The following FAM227A variants were observed in gnomAD, a reference collection of about 807,000 sequenced individuals.
FAM227A encodes the protein family with sequence similarity 227 member A.
A neutral mutation model predicts 74.7 loss-of-function variants in FAM227A; 80 were observed. The ratio of observed to expected loss-of-function variants is 1.07; its 90% CI spans 0.89 to 1.29. The LOEUF (loss-of-function observed/expected upper bound fraction) is 1.29, where lower values mean the gene tolerates loss of function less well. FAM227A is among the 50% of genes most tolerant of loss of function. The pLI is 0.00. For synonymous variants in FAM227A, 237 were observed against 241.8 expected, an observed-to-expected ratio of 0.98 and a Z score of 0.19; for missense variants, 654 against 683.4, an observed-to-expected ratio of 0.96 and a Z score of 0.48.
chr22:38,624,493 C>G (rs1337665312), intron 9 of FAM227A, among the ~76,000 whole-genome samples: 1 of 152,192 alleles, frequency 6.6e-6, no homozygotes, highest in Non-Finnish European at 1.5e-5. Flanking sequence ...TGGCTGGCCT[C>G]TGGGAACCTG....
At chr22:38,589,957 G>C (rs2146134258) in intron 16 of FAM227A, among the ~76,000 whole-genome samples, 1 of 151,958 alleles carries the variant, frequency 6.6e-6, no homozygotes, top group Non-Finnish European at 1.5e-5. Flanking sequence ...TTTAAAAATA[G>C]AACAAAGGGC....
At chr22:38,649,050 C>T (rs1387658138) in intron 2 of FAM227A, among the ~76,000 whole-genome samples, 2 of 151,924 alleles carry the variant, frequency 1.3e-5, no homozygotes, top group East Asian at 3.9e-4. Flanking sequence ...TTCTTAGTTG[C>T]TATCAATAAC....
At position 38,613,011 on chromosome 22, in the gene FAM227A, C is replaced by T. The variant is rs535902732; in HGVS notation, c.1039-5535G>A. ...GCCTTCTTTCACTGTCTTTTTTTGGCACTACAAAAATTCTACAAAGAAATA... is the reference window on the plus strand; with the variant it reads ...GCCTTCTTTCACTGTCTTTTTTTGGTACTACAAAAATTCTACAAAGAAATA... On this transcript the variant is annotated intron_variant, in intron 11 of 16. Transcript: ENST00000535113. Among the ~76,000 whole-genome samples, 4 of 132,314 alleles carry T rather than the reference C, an allele frequency of 3.0e-5. No homozygotes were observed. The East Asian group carries it at 6.1e-4, about 20-fold the overall frequency. 86.8% of individuals were successfully genotyped at this position (132,314 alleles called of 152,430 possible). A position where few individuals can be genotyped will look rare whatever the true frequency, so the allele number is the denominator to read the frequency against.
At chr22:38,619,348 G>C (rs2091639844) in intron 11 of FAM227A, among the ~76,000 whole-genome samples, 1 of 152,100 alleles carries the variant, frequency 6.6e-6, no homozygotes, top group South Asian at 2.1e-4. Flanking sequence ...TTTTGAGACA[G>C]AGTCTTGCCC....
intron 8 of FAM227A, among the ~76,000 whole-genome samples, chr22:38,626,885 A>AT (rs1396669967): frequency 9.9e-6 from 1 of 101,330 alleles, no homozygotes; most frequent in African/African-American, 4.3e-5. Context: ...AAAAAAAAAA[A>AT]AAAAAAATAT....
At position 38,590,022 on chromosome 22, in the gene FAM227A, G is replaced by A. The variant is rs111953168; in HGVS notation, c.1638+1413C>T. ...AGGGCTTTGGGAGGCTGAGGCGGGCGGATCACCTGAGGTCAAGAGTTTGAG... is the reference window on the plus strand; with the variant it reads ...AGGGCTTTGGGAGGCTGAGGCGGGCAGATCACCTGAGGTCAAGAGTTTGAG... On this transcript the variant is annotated intron_variant, in intron 16 of 16. Transcript: ENST00000535113. 1.3e-4 allele frequency among the ~76,000 whole-genome samples: 20 copies of A among 151,898 alleles called. 1 individual carries two copies. The highest frequency in any genetic ancestry group is 5.8e-4 in the East Asian group (3 of 5,166).
chr22:38,640,828 C>T (rs1297101949), intron 3 of FAM227A, among the ~76,000 whole-genome samples: 1 of 152,148 alleles, frequency 6.6e-6, no homozygotes, highest in African/African-American at 2.4e-5. Context: ...CTCTCCAGGC[C>T]TCCCCCATCT....
intron 4 of FAM227A, among the ~76,000 whole-genome samples, 190 bp from the exon 5 acceptor site, chr22:38,639,012 G>A (rs1017777543): frequency 6.6e-6 from 1 of 152,150 alleles, no homozygotes; most frequent in African/African-American, 2.4e-5. Flanking sequence ...CAGCAAGGAG[G>A]AGCAGACAGA....
At chr22:38,623,412 C>T (rs899564715) in intron 9 of FAM227A, 133 bp from the exon 10 acceptor site, 14 of 564,620 alleles carry the variant, frequency 2.5e-5, no homozygotes, top group Non-Finnish European at 4.2e-5. Flanking sequence ...AGTGGGACTC[C>T]GTCTCTATTT....
At chr22:38,620,864 ACC>A (rs1223036986) in intron 10 of FAM227A, among the ~76,000 whole-genome samples, 30 of 152,030 alleles carry the variant, frequency 2.0e-4, no homozygotes, top group Non-Finnish European at 2.2e-4. Context: ...CAGACACTCA[ACC>A]CACAGGAAAA....
rs367647113 is a variant in FAM227A, at chr22:38,582,956, CAA to C, written c.*3167_*3168del. 1.6e-4 allele frequency: 254 copies of C among 1,550,052 alleles called. 1 individual carries two copies. In the East Asian group the frequency reaches 2.1e-3, roughly 13 times the overall value. On this transcript the variant is annotated 3_prime_UTR_variant, in exon 17 of 17. Coordinates refer to ENST00000535113, the MANE Select transcript of FAM227A (RefSeq NM_001013647.2). ...AGGAATTAGTGATGTTGGCAGTTAA[CAA>C]AGAGGAGGGAGGAGAAGGCATTTTC...
intron 3 of FAM227A, among the ~76,000 whole-genome samples, chr22:38,641,978 CACGTGTGT>C (rs1569235874): frequency 6.9e-4 from 100 of 145,590 alleles, no homozygotes; most frequent in African/African-American, 2.5e-3. Context: ...TGTGTGTGCG[CACGTGTGT>C]GTGCGCGTGT....
intron 4 of FAM227A, 76 bp from the exon 5 acceptor site, chr22:38,638,898 CT>C: frequency 1.1e-6 from 1 of 925,116 alleles, no homozygotes. Flanking sequence ...TACAACTGTG[CT>C]TTTTCATTCC....
intron 13 of FAM227A, among the ~76,000 whole-genome samples, chr22:38,600,723 C>T (rs62228947): frequency 0.029 from 4,461 of 151,618 alleles, 88 homozygotes; most frequent in Middle Eastern, 0.069. Context: ...TTTGGGAGGC[C>T]GAAGCAGATC....
chr22:38,582,201 G>A lies in FAM227A; in HGVS notation c.*3924C>T. 2 of 771,622 alleles carry A rather than the reference G, an allele frequency of 2.6e-6. No individual in the cohort carries two copies. The highest frequency in any genetic ancestry group is 3.7e-5 in the South Asian group (2 of 54,172). The allele number at this position is 771,622 out of a possible 1,614,324, so 47.8% of individuals were successfully genotyped here. On this transcript the variant is annotated 3_prime_UTR_variant, in exon 17 of 17. Transcript: ENST00000535113. ...CCCAAAAGTTTATTTGGGCCTCTTT[G>A]TAACCCCTTCCAGCTTCCCTCCTAT...
At chr22:38,595,995 T>C (rs1357102031) in intron 15 of FAM227A, among the ~76,000 whole-genome samples, 1 of 151,316 alleles carries the variant, frequency 6.6e-6, no homozygotes, top group Admixed American at 6.6e-5. Context: ...GATACTGTTA[T>C]AGATTCAAAG....
intron 6 of FAM227A, among the ~76,000 whole-genome samples, chr22:38,631,147 G>C (rs1012133158): frequency 6.6e-6 from 1 of 152,104 alleles, no homozygotes; most frequent in Non-Finnish European, 1.5e-5. Flanking sequence ...CAGCCTGGGC[G>C]ACAGAGCGAG....
rs373922997 is a variant in FAM227A at position 38,638,810 on chromosome 22, C to G, written c.308G>C (p.Arg103Thr). The G allele has an allele frequency of 3.8e-4, 589 of 1,539,210 alleles. No individual in the cohort carries two copies. Among genetic ancestry groups the G allele is most frequent in the Non-Finnish European group, 4.7e-4 (535 of 1,142,768 alleles). The change falls in exon 5 of 17, where the codon AGG (arginine) becomes ACG (threonine). Residue 103 changes from arginine to threonine, a missense_variant. Coordinates refer to ENST00000535113, the MANE Select transcript of FAM227A (RefSeq NM_001013647.2). ...SSPEDKVKRQ[R>T]KSQYSCKGSE... Reference sequence around the variant, plus strand: ...GCCTTTGCAGGAATACTGAGATTTCCTTTGTCTCTTGACTGCAGAAAAATG... The same window carrying G: ...GCCTTTGCAGGAATACTGAGATTTCGTTTGTCTCTTGACTGCAGAAAAATG...
chr22:38,635,712 G>A (rs1463251745), intron 6 of FAM227A, among the ~76,000 whole-genome samples: 1 of 152,174 alleles, frequency 6.6e-6, no homozygotes, highest in African/African-American at 2.4e-5. Flanking sequence ...AAAGCAATTG[G>A]CTGGGCATAG....
Sources: gnomAD v4.1 joint callset for allele counts (sites outside exome capture counted in the v4.1 genomes callset) on GRCh38, gnomAD v4.1.1 for gene constraint, MANE v1.5 for transcripts, NCBI Gene and HGNC (gene_info 2026-07-23, HGNC 2026-07-21) for gene names.